Variants in AKAP6 observed in about 807,000 individuals in gnomAD.
AKAP6 encodes A-kinase anchor protein 6.
AKAP6 carries 58 observed loss-of-function variants against 188.5 expected under a neutral mutation model. The ratio of observed to expected loss-of-function variants is 0.31; its 90% CI spans 0.25 to 0.38. The LOEUF (loss-of-function observed/expected upper bound fraction) is 0.38, where lower values mean the gene tolerates loss of function less well. Among genes scored for constraint, AKAP6 ranks in the 10% least tolerant of loss-of-function variants. AKAP6 has a pLI of 1.00. For synonymous variants in AKAP6, 989 were observed against 998.6 expected (o/e 0.99, Z 0.18); for missense variants, 2,710 against 2,740.0 (o/e 0.99, Z 0.24).
chr14:32,804,515 CA>C (rs1475678862), intron 12 of AKAP6, among the ~76,000 whole-genome samples: 1 of 152,128 alleles, frequency 6.6e-6, no homozygotes, highest in Non-Finnish European at 1.5e-5. Flanking sequence ...GGGCAAAAAG[CA>C]GAACAAAGAT....
At chr14:32,691,086 A>C (rs369149613) in intron 8 of AKAP6, among the ~76,000 whole-genome samples, 4 of 152,304 alleles carry the variant, frequency 2.6e-5, no homozygotes, top group African/African-American at 9.6e-5. Context: ...ATTACAAAGA[A>C]AATTTTATGA....
intron 2 of AKAP6, among the ~76,000 whole-genome samples, chr14:32,485,924 C>G (rs574086449): frequency 6.7e-6 from 1 of 148,286 alleles, no homozygotes; most frequent in South Asian, 2.1e-4. Context: ...CCTAGGTTTT[C>G]TTCTTCTAGA....
intron 11 of AKAP6, among the ~76,000 whole-genome samples, chr14:32,745,693 G>A (rs1262352608): frequency 6.6e-6 from 1 of 152,124 alleles, no homozygotes; most frequent in Admixed American, 6.5e-5. Context: ...TTTACTCAAG[G>A]CCCTGGGGCT....
intron 12 of AKAP6, among the ~76,000 whole-genome samples, chr14:32,786,079 G>A (rs2140034250): frequency 6.6e-6 from 1 of 152,158 alleles, no homozygotes; most frequent in Admixed American, 6.5e-5. Flanking sequence ...TTGAGTGGGT[G>A]CATCTGGGGA....
At chr14:32,428,557 C>A (rs1418258436) in intron 1 of AKAP6, among the ~76,000 whole-genome samples, 1 of 152,090 alleles carries the variant, frequency 6.6e-6, no homozygotes, top group Non-Finnish European at 1.5e-5. Context: ...AGGGAAAAAA[C>A]CATTTACAGT....
chr14:32,544,535 C>T (rs371510619), intron 3 of AKAP6, among the ~76,000 whole-genome samples: 6 of 152,138 alleles, frequency 3.9e-5, no homozygotes, highest in African/African-American at 7.2e-5. Context: ...CTTAACAGCT[C>T]GCAAACACCA....
intron 1 of AKAP6, among the ~76,000 whole-genome samples, chr14:32,343,746 C>CAAAAAAAAAAA (rs56376110): frequency 2.7e-5 from 1 of 37,262 alleles, no homozygotes; most frequent in African/African-American, 9.7e-5. Flanking sequence ...GATTCCGTCT[C>CAAAAAAAAAAA]AAAAAAAAAA....
chr14:32,689,657 T>A (rs1415455187), intron 8 of AKAP6, among the ~76,000 whole-genome samples: 1 of 152,150 alleles, frequency 6.6e-6, no homozygotes, highest in Non-Finnish European at 1.5e-5. Flanking sequence ...TCTGGAAAGC[T>A]ACATTTTATT....
In AKAP6 at chr14:32,331,432, C is replaced by T. The variant is rs931701903; in HGVS notation, c.-35+2024C>T. On this transcript the variant is annotated intron_variant, in intron 1 of 13. Coordinates refer to ENST00000280979, the MANE Select transcript of AKAP6 (RefSeq NM_004274.5). ...ACGCAGTTATCTAGTGGAACATCCT[C>T]CCGGTTCAGACAACCCTGTAATTTT... Among the ~76,000 whole-genome samples the T allele has an allele frequency of 5.3e-5, 8 of 151,968 alleles. No individual in the cohort carries two copies. In the South Asian group the frequency reaches 1.2e-3, roughly 24 times the overall value.
In AKAP6 at chr14:32,330,202, C is replaced by T. The variant is rs545826607; in HGVS notation, c.-35+794C>T. Among the ~76,000 whole-genome samples, 22 of 152,090 alleles carry T rather than the reference C, an allele frequency of 1.4e-4. 1 individual carries two copies. Among genetic ancestry groups the T allele is most frequent in the Middle Eastern group, 3.4e-3 (1 of 294 alleles). On this transcript the variant is annotated intron_variant, in intron 1 of 13. Transcript: ENST00000280979. ...TCTGAAGTGGCAGTGGTGTTGCCAT[C>T]CCTTGCTTAACTTTAACAAAAATCT...
At chr14:32,373,097 T>TG (rs951179543) in intron 1 of AKAP6, among the ~76,000 whole-genome samples, 15 of 147,486 alleles carry the variant, frequency 1.0e-4, no homozygotes, top group Admixed American at 4.1e-4. Flanking sequence ...ATGGCTTTTT[T>TG]GGGGGGGTGG....
At chr14:32,590,463 A>C (rs933608323) in intron 5 of AKAP6, among the ~76,000 whole-genome samples, 5 of 152,168 alleles carry the variant, frequency 3.3e-5, no homozygotes, top group African/African-American at 4.8e-5. Context: ...AAACAAAACA[A>C]AACTAAACAA....
intron 2 of AKAP6, among the ~76,000 whole-genome samples, chr14:32,515,447 G>T (rs1186315352): frequency 6.6e-6 from 1 of 152,040 alleles, no homozygotes; most frequent in East Asian, 1.9e-4. Flanking sequence ...TCTACTACTT[G>T]GAAGAAATAA....
At chr14:32,677,023 G>C (rs765498921) in intron 7 of AKAP6, among the ~76,000 whole-genome samples, 1 of 151,888 alleles carries the variant, frequency 6.6e-6, no homozygotes, top group Non-Finnish European at 1.5e-5. Context: ...ACGGGGTTTC[G>C]CCATGTTGGC....
chr14:32,413,175 ATTTT>A (rs10577801), intron 1 of AKAP6, among the ~76,000 whole-genome samples: 35 of 60,480 alleles, frequency 5.8e-4, no homozygotes, highest in African/African-American at 1.3e-3. Flanking sequence ...ATTTATTGAA[ATTTT>A]TTTTTTTTTT....
intron 12 of AKAP6, among the ~76,000 whole-genome samples, chr14:32,793,520 A>C (rs1458609575): frequency 1.3e-5 from 2 of 152,178 alleles, no homozygotes; most frequent in African/African-American, 4.8e-5. Flanking sequence ...ACACAAACTC[A>C]TACAGAAATT....
At chr14:32,686,633 G>C (rs573970397) in intron 8 of AKAP6, among the ~76,000 whole-genome samples, 1 of 152,150 alleles carries the variant, frequency 6.6e-6, no homozygotes, top group East Asian at 1.9e-4. Context: ...GTAGAAGAGG[G>C]ATATGTAGAG....
At chr14:32,735,526 G>C in intron 10 of AKAP6, 132 bp from the exon 11 acceptor site, 1 of 626,654 alleles carries the variant, frequency 1.6e-6, no homozygotes, top group Non-Finnish European at 2.7e-6. Context: ...TCTTCCAGGT[G>C]GCTCTCGTTA....
intron 1 of AKAP6, among the ~76,000 whole-genome samples, chr14:32,431,433 A>G (rs1447772718): frequency 1.3e-5 from 2 of 152,236 alleles, no homozygotes; most frequent in African/African-American, 2.4e-5. Context: ...TATCAAAGTG[A>G]TAAACCTACT....
Sources: gnomAD v4.1 joint callset for allele counts (sites outside exome capture counted in the v4.1 genomes callset) on GRCh38, gnomAD v4.1.1 for gene constraint, MANE v1.5 for transcripts, NCBI Gene and HGNC (gene_info 2026-07-23, HGNC 2026-07-21) for gene names.